CEP128: variants seen among roughly 807,000 people sequenced by gnomAD.
CEP128 encodes centrosomal protein 128.
A neutral mutation model predicts 156.7 loss-of-function variants in CEP128; 132 were observed. The observed-to-expected ratio is 0.84, with a 90% CI of 0.73 to 0.97. The LOEUF (loss-of-function observed/expected upper bound fraction) is 0.97. CEP128 is among the 50% of genes least tolerant of loss of function. CEP128 has a pLI of 0.00. For synonymous variants in CEP128, 469 were observed against 448.9 expected (o/e 1.04, Z -0.57); for missense variants, 1,252 against 1,281.9 (o/e 0.98, Z 0.36).
chr14:80,950,761 C>G (rs775408995), intron 2 of CEP128, among the ~76,000 whole-genome samples: 3 of 151,858 alleles, frequency 2.0e-5, no homozygotes, highest in Non-Finnish European at 2.9e-5. Context: ...TAAAAATTTT[C>G]CAAGTCTGAT....
At chr14:80,622,338 C>T (rs905417882) in intron 19 of CEP128, among the ~76,000 whole-genome samples, 1 of 151,794 alleles carries the variant, frequency 6.6e-6, no homozygotes, top group Admixed American at 6.6e-5. Flanking sequence ...AACGTTAGAC[C>T]TAAAACCATA....
At chr14:80,603,453 A>G (rs1269492437) in intron 19 of CEP128, among the ~76,000 whole-genome samples, 2 of 152,220 alleles carry the variant, frequency 1.3e-5, no homozygotes, top group African/African-American at 4.8e-5. Flanking sequence ...GAATGAATAC[A>G]CTAAAATGTA....
chr14:80,614,764 C>T (rs1278249412), intron 19 of CEP128, among the ~76,000 whole-genome samples: 6 of 152,158 alleles, frequency 3.9e-5, no homozygotes, highest in Admixed American at 2.0e-4. Context: ...CCCTAGTGTA[C>T]GATGACTTTT....
intron 21 of CEP128, among the ~76,000 whole-genome samples, chr14:80,552,491 A>T (rs1890251129): frequency 6.6e-6 from 1 of 152,198 alleles, no homozygotes; most frequent in Non-Finnish European, 1.5e-5. Context: ...GTCAGGATTA[A>T]TCATTTTGCA....
Position 80,497,252 on chromosome 14 carries a change from T to C in CEP128, c.*227A>G, listed in dbSNP as rs1887530098. 1 of 402,304 alleles carries C rather than the reference T, an allele frequency of 2.5e-6. No homozygotes were observed. Among genetic ancestry groups the C allele is most frequent in the Admixed American group, 4.5e-5 (1 of 22,206 alleles). 24.9% of individuals were successfully genotyped at this position (402,304 alleles called of 1,614,324 possible). ...AAATATCATTCTTTCTGTGCTAGTA[T>C]AAGTTGCAAATAAATTAGCTGCACA... On this transcript the variant is annotated 3_prime_UTR_variant, in exon 25 of 25. Transcript: ENST00000555265.
intron 20 of CEP128, among the ~76,000 whole-genome samples, chr14:80,574,160 T>C (rs775612301): frequency 3.0e-4 from 45 of 152,170 alleles, no homozygotes; most frequent in Admixed American, 3.9e-4. Flanking sequence ...TTTATTCAAA[T>C]TGAGATTTCT....
At chr14:80,516,903 C>T (rs1888515824) in intron 23 of CEP128, among the ~76,000 whole-genome samples, 1 of 152,136 alleles carries the variant, frequency 6.6e-6, no homozygotes, top group African/African-American at 2.4e-5. Context: ...ATGTTAGAAC[C>T]AGGTACTGTG....
chr14:80,865,979 T>A (rs1870676149), intron 8 of CEP128, among the ~76,000 whole-genome samples: 1 of 151,992 alleles, frequency 6.6e-6, no homozygotes, highest in Non-Finnish European at 1.5e-5. Flanking sequence ...AACTGCCAAA[T>A]GAAATGCTGT....
chr14:80,504,748 A>T (rs926095638), intron 24 of CEP128, among the ~76,000 whole-genome samples, 164 bp downstream of exon 24: 1 of 152,190 alleles, frequency 6.6e-6, no homozygotes, highest in African/African-American at 2.4e-5. Flanking sequence ...TTTTTAGTAA[A>T]CTGTGTACTA....
At chr14:80,877,237 A>C (rs989689130) in intron 8 of CEP128, among the ~76,000 whole-genome samples, 6 of 152,174 alleles carry the variant, frequency 3.9e-5, no homozygotes, top group Non-Finnish European at 5.9e-5. Flanking sequence ...AACGAAAAAA[A>C]ACACACACAA....
In CEP128 at chr14:80,614,622, C is replaced by T. The variant is rs535079402; in HGVS notation, c.2807-34199G>A. 3.9e-5 allele frequency among the ~76,000 whole-genome samples: 6 copies of T among 152,256 alleles called. No individual in the cohort carries two copies. In the East Asian group the frequency reaches 1.2e-3, roughly 29 times the overall value. ...AAAAAACCCTGTCCCACCCAGGTAG[C>T]CTGCTTTATGAGACTCTATTTTCAT... On this transcript the variant is annotated intron_variant, in intron 19 of 24. Transcript: ENST00000555265.
intron 19 of CEP128, among the ~76,000 whole-genome samples, chr14:80,600,232 C>T (rs368133098): frequency 2.8e-4 from 43 of 152,042 alleles, no homozygotes; most frequent in African/African-American, 1.0e-3. Flanking sequence ...TTATTTGAAA[C>T]GTAAAAATTC....
chr14:80,958,022 C>CAA (rs1225923956), intron 2 of CEP128: 1 of 152,152 alleles, frequency 6.6e-6, no homozygotes, highest in Non-Finnish European at 1.5e-5. Context: ...GTGGGTAAAA[C>CAA]AAAATGGTAG....
At chr14:80,631,733 ATCAAT>A (rs890427861) in intron 19 of CEP128, among the ~76,000 whole-genome samples, 5 of 152,060 alleles carry the variant, frequency 3.3e-5, no homozygotes, top group Non-Finnish European at 7.4e-5. Flanking sequence ...AAACATTCTC[ATCAAT>A]TCAATTCCAT....
chr14:80,874,529 A>T (rs144032549), intron 8 of CEP128, among the ~76,000 whole-genome samples: 1 of 152,190 alleles, frequency 6.6e-6, no homozygotes, highest in Non-Finnish European at 1.5e-5. Flanking sequence ...ATATATAAAA[A>T]AGATTAAAGG....
At chr14:80,555,842 T>A (rs949959330) in intron 21 of CEP128, among the ~76,000 whole-genome samples, 2 of 152,190 alleles carry the variant, frequency 1.3e-5, no homozygotes, top group African/African-American at 4.8e-5. Context: ...TTTACAATGA[T>A]CTTTTCTTCA....
intron 19 of CEP128, among the ~76,000 whole-genome samples, chr14:80,695,583 G>C (rs1371373254): frequency 6.6e-6 from 1 of 151,914 alleles, no homozygotes; most frequent in African/African-American, 2.4e-5. Flanking sequence ...CGGGCGTGGT[G>C]GTGCACACCT....
chr14:80,884,512 C>CAG (rs993579077), intron 8 of CEP128, among the ~76,000 whole-genome samples: 8 of 152,092 alleles, frequency 5.3e-5, no homozygotes, highest in Admixed American at 2.0e-4. Context: ...AGTGGATGAG[C>CAG]AGAAGTAGGG....
At chr14:80,803,448 T>TG (rs1883993722) in intron 13 of CEP128, among the ~76,000 whole-genome samples, 1 of 150,820 alleles carries the variant, frequency 6.6e-6, no homozygotes, top group East Asian at 1.9e-4. Context: ...GAGTGGGCAG[T>TG]GGGGAAAAAA....
Sources: allele counts gnomAD v4.1 joint callset (sites outside exome capture counted in the v4.1 genomes callset), GRCh38; gene constraint gnomAD v4.1.1; transcripts MANE v1.5; gene names NCBI Gene and HGNC (gene_info 2026-07-23, HGNC 2026-07-21).